The following DCC variants were observed in gnomAD, a reference collection of about 807,000 sequenced individuals.
The protein encoded by DCC is DCC netrin 1 receptor.
Under a neutral mutation model 172.5 loss-of-function variants are expected in DCC, and 58 were observed. The ratio of observed to expected loss-of-function variants is 0.34; its 90% CI spans 0.27 to 0.42. The LOEUF is 0.42. Among genes scored for constraint, DCC ranks in the 10% least tolerant of loss-of-function variants. The pLI, the probability that DCC is intolerant of heterozygous loss-of-function variation, is 1.00. For synonymous variants in DCC, 709 were observed against 644.5 expected (o/e 1.10, Z -1.52); for missense variants, 1,740 against 1,791.0 (o/e 0.97, Z 0.51).
intron 27 of DCC, among the ~76,000 whole-genome samples, chr18:53,506,190 A>C (rs1391961439): frequency 6.6e-6 from 1 of 152,212 alleles, no homozygotes; most frequent in Middle Eastern, 3.4e-3. Flanking sequence ...GGACACTCGA[A>C]TGTTGGTTGA....
At chr18:53,095,775 G>A (rs1376965002) in intron 7 of DCC, among the ~76,000 whole-genome samples, 1 of 149,396 alleles carries the variant, frequency 6.7e-6, no homozygotes, top group African/African-American at 2.5e-5. Flanking sequence ...AATTTCTAGG[G>A]ATTGGGATAT....
At chr18:52,904,920 T>C (rs16955822) in intron 2 of DCC, among the ~76,000 whole-genome samples, 1,755 of 152,320 alleles carry the variant, frequency 0.012, 24 homozygotes, top group East Asian at 0.038. Context: ...CTTTCATTGA[T>C]GGCACAATTG....
At chr18:52,398,794 G>C (rs531489945) in intron 1 of DCC, among the ~76,000 whole-genome samples, 1 of 152,006 alleles carries the variant, frequency 6.6e-6, no homozygotes, top group South Asian at 2.1e-4. Flanking sequence ...TATAGACATA[G>C]TCATGGAGTG....
At chr18:52,459,296 C>A (rs1456521792) in intron 1 of DCC, among the ~76,000 whole-genome samples, 1 of 152,016 alleles carries the variant, frequency 6.6e-6, no homozygotes, top group Non-Finnish European at 1.5e-5. Context: ...TTTTGTCACC[C>A]AGGTACTAAG....
intron 5 of DCC, among the ~76,000 whole-genome samples, chr18:52,927,168 T>TATATATGTGTATATATACGTATATATAC (rs1555682869): frequency 1.2e-5 from 1 of 82,452 alleles, no homozygotes; most frequent in African/African-American, 4.7e-5. Context: ...CGTATATATG[T>TATATATGTGTATATATACGTATATATAC]GTATATATGT....
chr18:52,834,008 C>T (rs927420113), intron 2 of DCC, among the ~76,000 whole-genome samples: 1 of 152,098 alleles, frequency 6.6e-6, no homozygotes, highest in African/African-American at 2.4e-5. Context: ...ACAGAACTCC[C>T]GGGGCCTATG....
intron 1 of DCC, among the ~76,000 whole-genome samples, chr18:52,544,096 CTGT>C (rs923556595): frequency 1.4e-4 from 21 of 152,266 alleles, no homozygotes; most frequent in African/African-American, 5.1e-4. Context: ...TAATTTGGCC[CTGT>C]TGTTCTGAGG....
chr18:53,529,294 A>G (rs1304500121), intron 28 of DCC, among the ~76,000 whole-genome samples: 2 of 152,088 alleles, frequency 1.3e-5, no homozygotes, highest in East Asian at 1.9e-4. Context: ...AATTCTATCA[A>G]TGCTCTCTTG....
At chr18:53,483,859 A>T (rs902408970) in intron 25 of DCC, among the ~76,000 whole-genome samples, 5 of 151,840 alleles carry the variant, frequency 3.3e-5, no homozygotes, top group Non-Finnish European at 7.4e-5. Context: ...TTTGTACATT[A>T]ATTGCATACA....
intron 5 of DCC, among the ~76,000 whole-genome samples, chr18:53,052,465 G>A (rs190372799): frequency 4.7e-4 from 72 of 151,890 alleles, no homozygotes; most frequent in African/African-American, 1.6e-3. Context: ...TACTATGCCT[G>A]TCTTTTATCT....
chr18:52,525,288 T>C (rs1386305869), intron 1 of DCC, among the ~76,000 whole-genome samples: 1 of 152,178 alleles, frequency 6.6e-6, no homozygotes, highest in Non-Finnish European at 1.5e-5. Context: ...CGTTTGTTAG[T>C]AAACCTATAT....
intron 2 of DCC, among the ~76,000 whole-genome samples, chr18:52,889,366 A>T (rs930558265): frequency 1.3e-5 from 2 of 152,116 alleles, no homozygotes; most frequent in African/African-American, 4.8e-5. Flanking sequence ...AGAAGTAACG[A>T]ATGAAATATC....
intron 2 of DCC, among the ~76,000 whole-genome samples, chr18:52,899,681 A>G (rs373511118): frequency 5.3e-5 from 8 of 151,380 alleles, no homozygotes; most frequent in East Asian, 1.9e-4. Context: ...TTTTTTATAG[A>G]GACAGAATCT....
chr18:52,825,107 T>C (rs2145281464), intron 2 of DCC, among the ~76,000 whole-genome samples: 1 of 152,290 alleles, frequency 6.6e-6, no homozygotes, highest in African/African-American at 2.4e-5. Context: ...GCTCTCTGTC[T>C]CCATTTACCC....
intron 2 of DCC, among the ~76,000 whole-genome samples, chr18:52,780,628 G>T (rs147170178): frequency 1.3e-3 from 198 of 152,230 alleles, no homozygotes; most frequent in African/African-American, 4.0e-3. Flanking sequence ...ACAACTGGAA[G>T]AAAAAGGAGT....
chr18:52,405,713 G>A (rs1986621110), intron 1 of DCC, among the ~76,000 whole-genome samples: 1 of 151,630 alleles, frequency 6.6e-6, no homozygotes, highest in Non-Finnish European at 1.5e-5. Context: ...TTATGGGTAG[G>A]AAGAATCAAT....
intron 1 of DCC, among the ~76,000 whole-genome samples, chr18:52,700,602 T>C (rs1257358688): frequency 6.6e-6 from 1 of 152,220 alleles, no homozygotes; most frequent in Non-Finnish European, 1.5e-5. Context: ...GCTAATATAG[T>C]TTTATAGACA....
intron 2 of DCC, among the ~76,000 whole-genome samples, chr18:52,809,959 C>T (rs1375600255): frequency 1.3e-5 from 2 of 151,956 alleles, no homozygotes; most frequent in African/African-American, 4.8e-5. Context: ...TTTACAAGTC[C>T]CGTGTTTAAA....
chr18:53,367,898 A>G (rs575860452), intron 15 of DCC, among the ~76,000 whole-genome samples: 26 of 152,300 alleles, frequency 1.7e-4, no homozygotes, highest in Admixed American at 3.9e-4. Context: ...ATTTCATTGT[A>G]TATTGTACCT....
Sources: gnomAD v4.1 joint callset for allele counts (sites outside exome capture counted in the v4.1 genomes callset) on GRCh38, gnomAD v4.1.1 for gene constraint, MANE v1.5 for transcripts, NCBI Gene and HGNC (gene_info 2026-07-23, HGNC 2026-07-21) for gene names.